SETBP1: variants seen among roughly 807,000 people sequenced by gnomAD.
SETBP1 encodes SET binding protein 1.
In SETBP1, 9 loss-of-function variants were observed where a neutral mutation model predicts 101.0. The ratio of observed to expected loss-of-function variants is 0.09; its 90% CI spans 0.05 to 0.16. The LOEUF is 0.16. Among genes scored for constraint, SETBP1 ranks in the 10% least tolerant of loss-of-function variants. The probability of loss-of-function intolerance (pLI) is 1.00; values close to 1 mark genes in which losing one functional copy is unlikely to be tolerated. For missense variants in SETBP1, 1,858 were observed against 2,033.8 expected (o/e 0.91, Z 1.66); for synonymous variants, 818 against 788.5 (o/e 1.04, Z -0.63).
intron 4 of SETBP1, among the ~76,000 whole-genome samples, chr18:44,990,981 T>G (rs2072360694): frequency 6.9e-6 from 1 of 145,660 alleles, no homozygotes; most frequent in African/African-American, 2.5e-5. Context: ...ATGGGAGTGG[T>G]GGCTCACGCC....
chr18:45,064,873 T>G lies in SETBP1; in HGVS notation c.*1175T>G, dbSNP rs2073947504. ...TCCATTATCCCTTGATAATTATTTC[T>G]TAAAAGCAAATGGGAGTAAGTGTTC... On this transcript the variant is annotated 3_prime_UTR_variant, in exon 6 of 6. Transcript: ENST00000649279. 1 of 151,840 alleles carries G rather than the reference T, an allele frequency of 6.6e-6. No individual in the cohort carries two copies. Among genetic ancestry groups the G allele is most frequent in the African/African-American group, 2.4e-5 (1 of 41,354 alleles). The allele number at this position is 151,840 out of a possible 1,614,324, so 9.4% of individuals were successfully genotyped here.
chr18:44,941,943 T>C (rs2071097855), intron 3 of SETBP1, among the ~76,000 whole-genome samples: 2 of 152,202 alleles, frequency 1.3e-5, no homozygotes, highest in South Asian at 4.1e-4. Flanking sequence ...GATTTTACCC[T>C]CCTGATTGTG....
At chr18:44,949,064 A>G (rs745969819) in intron 3 of SETBP1, among the ~76,000 whole-genome samples, 4 of 152,250 alleles carry the variant, frequency 2.6e-5, no homozygotes, top group Admixed American at 2.0e-4. Flanking sequence ...CAAGAAAGCA[A>G]TAAGTACGTA....
At chr18:44,716,349 T>C (rs2069464005) in intron 2 of SETBP1, among the ~76,000 whole-genome samples, 1 of 151,712 alleles carries the variant, frequency 6.6e-6, no homozygotes, top group South Asian at 2.1e-4. Context: ...ACAAAAAAAA[T>C]AGGGAAAAAA....
chr18:44,836,509 T>C (rs772747166), intron 2 of SETBP1, among the ~76,000 whole-genome samples: 6 of 151,010 alleles, frequency 4.0e-5, no homozygotes, highest in Admixed American at 1.3e-4. Flanking sequence ...TGCTCCACTC[T>C]ACTCCACTCC....
chr18:45,040,515 T>C (rs1015166679), intron 5 of SETBP1, among the ~76,000 whole-genome samples: 6 of 152,202 alleles, frequency 3.9e-5, no homozygotes, highest in Non-Finnish European at 8.8e-5. Context: ...GAGACCTCTC[T>C]TTATGGATTG....
chr18:44,681,106 C>G (rs2068752971), intron 1 of SETBP1, 85 bp downstream of exon 1: 1 of 152,136 alleles, frequency 6.6e-6, no homozygotes, highest in African/African-American at 2.4e-5. Flanking sequence ...TTCTTGTGCT[C>G]TCTGGTTTTG....
intron 2 of SETBP1, among the ~76,000 whole-genome samples, chr18:44,800,925 T>TA (rs1314700801): frequency 6.6e-6 from 1 of 152,118 alleles, no homozygotes; most frequent in African/African-American, 2.4e-5. Flanking sequence ...ATGTGGCACA[T>TA]ATACACCATG....
chr18:44,814,675 G>C (rs543698606), intron 2 of SETBP1, among the ~76,000 whole-genome samples: 19 of 152,346 alleles, frequency 1.2e-4, no homozygotes, highest in Middle Eastern at 3.4e-3. Context: ...GATCTTTAAG[G>C]CTTCAGAGAA....
rs562407596 is a variant in SETBP1, at chr18:45,052,765, C to A, written c.4172-10314C>A. Among the ~76,000 whole-genome samples the A allele has an allele frequency of 2.6e-5, 4 of 152,186 alleles. No individual in the cohort carries two copies. The South Asian group carries it at 8.3e-4, about 32-fold the overall frequency. On this transcript the variant is annotated intron_variant, in intron 5 of 5. Coordinates refer to ENST00000649279, the MANE Select transcript of SETBP1 (RefSeq NM_015559.3). ...TAATTTTGTAAATTGACATCTTTTT[C>A]TTTAAAAACTTCAATAAAGAAAAAA...
intron 3 of SETBP1, 182 bp downstream of exon 3, chr18:44,869,465 T>G (rs771032339): frequency 2.3e-4 from 154 of 670,498 alleles, no homozygotes; most frequent in Non-Finnish European, 4.0e-4. Context: ...CATTCTAGCA[T>G]GGACAAAACC....
intron 4 of SETBP1, among the ~76,000 whole-genome samples, chr18:45,016,001 C>T (rs1351890722): frequency 6.6e-6 from 1 of 152,176 alleles, no homozygotes; most frequent in Non-Finnish European, 1.5e-5. Context: ...TACATGCAGC[C>T]TCCACCCACA....
intron 2 of SETBP1, chr18:44,733,271 A>G (rs2069878950): frequency 6.6e-6 from 1 of 152,162 alleles, no homozygotes; most frequent in Non-Finnish European, 1.5e-5. Context: ...GTAAGTAAAT[A>G]ATTAATTTGG....
chr18:44,941,249 AT>A (rs1210565988), intron 3 of SETBP1, among the ~76,000 whole-genome samples: 2 of 151,198 alleles, frequency 1.3e-5, no homozygotes, highest in Admixed American at 1.3e-4. Flanking sequence ...ACCCTGCTAA[AT>A]TTTTTTTGTA....
chr18:44,778,995 G>A (rs1180720339), intron 2 of SETBP1, among the ~76,000 whole-genome samples: 2 of 152,242 alleles, frequency 1.3e-5, no homozygotes, highest in African/African-American at 4.8e-5. Context: ...CTGAGGTGTT[G>A]GGTGGTCACT....
At chr18:44,766,567 A>T (rs181491451) in intron 2 of SETBP1, among the ~76,000 whole-genome samples, 1 of 152,274 alleles carries the variant, frequency 6.6e-6, no homozygotes. Context: ...TCTTCTTTTA[A>T]CGTATATAGA....
intron 2 of SETBP1, among the ~76,000 whole-genome samples, chr18:44,839,610 A>C (rs9956543): frequency 6.6e-6 from 1 of 152,200 alleles, no homozygotes; most frequent in African/African-American, 2.4e-5. Flanking sequence ...ACCAAGGTTG[A>C]GGTAAATGTG....
chr18:44,805,871 A>G (rs1343093693), intron 2 of SETBP1, among the ~76,000 whole-genome samples: 1 of 152,118 alleles, frequency 6.6e-6, no homozygotes, highest in Non-Finnish European at 1.5e-5. Flanking sequence ...GGTTAATCAG[A>G]TAAGGCAGTG....
chr18:45,051,434 C>A (rs776173284), intron 5 of SETBP1, among the ~76,000 whole-genome samples: 6 of 152,180 alleles, frequency 3.9e-5, no homozygotes, highest in Non-Finnish European at 8.8e-5. Context: ...CGTAATAAAC[C>A]ATTATGATTC....
Sources: gnomAD v4.1 joint callset for allele counts (sites outside exome capture counted in the v4.1 genomes callset) on GRCh38, gnomAD v4.1.1 for gene constraint, MANE v1.5 for transcripts, NCBI Gene and HGNC (gene_info 2026-07-23, HGNC 2026-07-21) for gene names.